KCNH3: variants seen among roughly 807,000 people sequenced by gnomAD.
The protein encoded by KCNH3 is potassium voltage-gated channel subfamily H member 3.
Under a neutral mutation model 95.6 loss-of-function variants are expected in KCNH3, and 36 were observed. That is an observed-to-expected ratio of 0.38 (90% CI 0.29 to 0.50). The LOEUF (loss-of-function observed/expected upper bound fraction) is 0.50, where lower values mean the gene tolerates loss of function less well. Ranked by LOEUF, KCNH3 falls within the 20% of genes least tolerant of loss-of-function variation. The probability of loss-of-function intolerance (pLI) is 0.95; values close to 1 mark genes in which losing one functional copy is unlikely to be tolerated. For missense variants in KCNH3, 1,030 were observed against 1,484.1 expected (o/e 0.69, Z 5.03); for synonymous variants, 620 against 646.3 (o/e 0.96, Z 0.62).
chr12:49,542,819 G>A lies in KCNH3; in HGVS notation c.559G>A (p.Gly187Ser), dbSNP rs1386917255. Residue 187 changes from glycine to serine, a missense_variant, in exon 4 of 15, where the codon GGC becomes AGC. Around this residue, in one of 9 missense-constraint regions of KCNH3, gnomAD observed 92 missense variants for 92.7 expected, o/e 0.99. Coordinates refer to ENST00000257981, the MANE Select transcript of KCNH3 (RefSeq NM_012284.3). ...LSGHLQKQPK[G>S]KHKLNKGVFG... is the part of the protein sequence containing the mutation. The stretch of plus-strand genomic sequence containing the variant: ...CGGGCACCTGCAGAAGCAGCCCAAG[G>A]GCAAGCACAAGCTCAATAAGGTGGG... 6.2e-7 allele frequency: 1 copy of A among 1,606,498 alleles called. No individual in the cohort carries two copies. Among genetic ancestry groups the A allele is most frequent in the Non-Finnish European group, 8.5e-7 (1 of 1,177,610 alleles).
intron 3 of KCNH3, 145 bp downstream of exon 3, chr12:49,541,909 C>T: frequency 1.3e-6 from 1 of 776,086 alleles, no homozygotes; most frequent in Non-Finnish European, 2.1e-6. Flanking sequence ...CTGTGCTGCT[C>T]TCATCTCCAC....
intron 10 of KCNH3, among the ~76,000 whole-genome samples, chr12:49,552,232 C>T (rs1342732872): frequency 6.6e-6 from 1 of 152,214 alleles, no homozygotes; most frequent in Non-Finnish European, 1.5e-5. Flanking sequence ...AGTTGTGTGG[C>T]TGGGAGCTGG....
chr12:49,554,205 C>T (rs1436007145), intron 10 of KCNH3, 132 bp from the exon 11 acceptor site: 1 of 729,794 alleles, frequency 1.4e-6, no homozygotes, highest in African/African-American at 1.7e-5. Flanking sequence ...GCTCCTCTCT[C>T]TGCTGGCTTC....
At chr12:49,555,548 C>T in intron 11 of KCNH3, 72 bp from the exon 12 acceptor site, 1 of 946,770 alleles carries the variant, frequency 1.1e-6, no homozygotes, top group Non-Finnish European at 1.6e-6. Context: ...GTAGATGAAG[C>T]CTTGGTAGGG....
In KCNH3 at chr12:49,556,420, C is replaced by T. The variant is rs1201079130; in HGVS notation, c.2519C>T (p.Ser840Phe). 6.2e-7 allele frequency: 1 copy of T among 1,613,960 alleles called. No individual in the cohort carries two copies. The highest frequency in any genetic ancestry group is 8.5e-7 in the Non-Finnish European group (1 of 1,179,988). The change falls in exon 13 of 15, where the codon TCT becomes TTT. Residue 840 changes from serine (S) to phenylalanine (F), a missense_variant. Ser to Phe is a radical substitution (Grantham distance 155, BLOSUM62 -2). Around this residue, in one of 9 missense-constraint regions of KCNH3, gnomAD observed 464 missense variants for 493.2 expected, o/e 0.94. Coordinates refer to ENST00000257981, the MANE Select transcript of KCNH3 (RefSeq NM_012284.3). Reference sequence around the variant, plus strand: ...TGTGGCTCGGACCAGCCCAAGTTCTCTTTCCGCGTGGGCCAGTCTGGCCCG... The same window carrying T: ...TGTGGCTCGGACCAGCCCAAGTTCTTTTTCCGCGTGGGCCAGTCTGGCCCG... ...DGCGSDQPKF[S>F]FRVGQSGPEC... is the part of the protein sequence containing the mutation.
rs1227266332 is a variant in KCNH3 at position 49,539,357 on chromosome 12, C to T, written c.-60C>T. ...GGGGGGCGGCCGAGCTGGGCGCCCTCCCCCGGCGCGGAGTCCCCGCACCCC... is the reference window on the plus strand; with the variant it reads ...GGGGGGCGGCCGAGCTGGGCGCCCTTCCCCGGCGCGGAGTCCCCGCACCCC... On this transcript the variant is annotated 5_prime_UTR_variant, in exon 1 of 15. Transcript: ENST00000257981. This position sits in a 1 kb window ranked among gnomAD's most constrained non-coding sequence, Gnocchi z 6.7. 4 of 1,169,872 alleles carry T rather than the reference C, an allele frequency of 3.4e-6. No individual in the cohort carries two copies. Among genetic ancestry groups the T allele is most frequent in the African/African-American group, 3.3e-5 (2 of 61,318 alleles). 72.5% of individuals were successfully genotyped at this position (1,169,872 alleles called of 1,614,324 possible).
Position 49,557,495 on chromosome 12 carries a change from T to C in KCNH3, c.2794T>C (p.Ser932Pro). 2 of 1,611,576 alleles carry C rather than the reference T, an allele frequency of 1.2e-6. No individual in the cohort carries two copies. ...AGAGGGGCCGTGCCCAGCCAGCACC[T>C]CCGGGCTTCTGCAGCCTCTGTGTGT... Reference protein sequence around the residue: ...SGEGPCPASTSGLLQPLCVDT... With the variant: ...SGEGPCPASTPGLLQPLCVDT... The change falls in exon 15 of 15, where the codon TCC becomes CCC. Residue 932 changes from serine to proline, a missense_variant. By Grantham distance (74) the Ser-to-Pro change is moderately conservative. This residue lies in a region of KCNH3 where 464 missense variants were observed against 493.2 expected (regional missense o/e 0.94). Transcript: ENST00000257981.
At chr12:49,545,651 A>AAAG (rs1213316566) in intron 7 of KCNH3, among the ~76,000 whole-genome samples, 1 of 151,972 alleles carries the variant, frequency 6.6e-6, no homozygotes, top group African/African-American at 2.4e-5. Context: ...TCGGCCTCCC[A>AAAG]AAGTGCTGGG....
At chr12:49,540,336 G>A (rs1447017564) in intron 1 of KCNH3, among the ~76,000 whole-genome samples, 1 of 152,172 alleles carries the variant, frequency 6.6e-6, no homozygotes, top group East Asian at 1.9e-4. Context: ...CTGGCTCCTG[G>A]CTCCCGTGCT....
At chr12:49,550,656 G>A (rs1164587926) in intron 10 of KCNH3, among the ~76,000 whole-genome samples, 1 of 152,186 alleles carries the variant, frequency 6.6e-6, no homozygotes, top group Non-Finnish European at 1.5e-5. Flanking sequence ...GGATGGAAGT[G>A]CTGGGGAGAG....
chr12:49,543,925 G>C lies in KCNH3; in HGVS notation c.834G>C (p.Leu278=). The part of the protein sequence containing the change: ...VEVLFILDIV[L]NFRTTFVSKS... ...CCGGATTCCCCACAGACATTGTGCT[G>C]AATTTCCGTACCACATTCGTGTCCA... The change falls in exon 6 of 15, where the codon CTG becomes CTC. Residue 278 remains leucine, a synonymous_variant. Coordinates refer to ENST00000257981, the MANE Select transcript of KCNH3 (RefSeq NM_012284.3). 6.2e-7 allele frequency: 1 copy of C among 1,608,942 alleles called. No individual in the cohort carries two copies. The highest frequency in any genetic ancestry group is 8.5e-7 in the Non-Finnish European group (1 of 1,175,672).
intron 10 of KCNH3, 35 bp downstream of exon 10, chr12:49,550,364 G>A (rs755216321): frequency 3.9e-5 from 61 of 1,572,118 alleles, no homozygotes; most frequent in South Asian, 1.7e-4. Context: ...GTGGGGGCAC[G>A]TGTGTGTGAG....
In KCNH3 at chr12:49,543,421, G is replaced by A. The variant is rs1013194118; in HGVS notation, c.726G>A (p.Val242=). The A allele has an allele frequency of 6.2e-7, 1 of 1,608,850 alleles. No homozygotes were observed. Among genetic ancestry groups the A allele is most frequent in the Non-Finnish European group, 8.5e-7 (1 of 1,179,994 alleles). ...LLATLYVAVT[V]PYSVCVSTAR... is the part of the protein sequence containing the mutation. The stretch of plus-strand genomic sequence containing the variant: ...CCACACTCTATGTGGCTGTCACTGT[G>A]CCCTACAGCGTGTGTGTGAGCACAG... The change falls in exon 5 of 15, where the codon GTG becomes GTA. Residue 242 remains valine, a synonymous_variant. Transcript: ENST00000257981.
rs748119881 is a variant in KCNH3 at position 49,555,759 on chromosome 12, C to A, written c.2276C>A (p.Thr759Asn). 7.4e-6 allele frequency: 12 copies of A among 1,613,624 alleles called. No homozygotes were observed. The highest frequency in any genetic ancestry group is 1.0e-5 in the Non-Finnish European group (12 of 1,179,880). ...AGCCCCCTGCTGTCCCCTGGCTGCACCTCCTCATCCTCAGCTGCCAAGCTG... is the reference window on the plus strand; with the variant it reads ...AGCCCCCTGCTGTCCCCTGGCTGCAACTCCTCATCCTCAGCTGCCAAGCTG... ...PSSPLLSPGCTSSSSAAKLLS... is the reference protein window; with the variant it reads ...PSSPLLSPGCNSSSSAAKLLS... The change falls in exon 12 of 15, where the codon ACC becomes AAC. Residue 759 changes from threonine (T) to asparagine (N), a missense_variant. By Grantham distance (65) the Thr-to-Asn change is moderately conservative. Around this residue, in one of 9 missense-constraint regions of KCNH3, gnomAD observed 464 missense variants for 493.2 expected, o/e 0.94. Transcript: ENST00000257981.
At chr12:49,556,130 A>G in intron 12 of KCNH3, 179 bp downstream of exon 12, 1 of 595,074 alleles carries the variant, frequency 1.7e-6, no homozygotes, top group Non-Finnish European at 3.0e-6. Context: ...GTCCCACTCC[A>G]CTGTGTGGTG....
chr12:49,555,168 C>T (rs962727376), intron 11 of KCNH3, among the ~76,000 whole-genome samples: 7 of 151,498 alleles, frequency 4.6e-5, no homozygotes, highest in South Asian at 2.1e-4. Flanking sequence ...TGGCCGGGCG[C>T]GGTGGCCCAC....
Position 49,554,237 on chromosome 12 carries a change from C to G in KCNH3, c.1919-100C>G, listed in dbSNP as rs879031214. ...CTTCAAGGCTTCAGCTACAGAGGCC[C>G]AGCCCAGCTCTGAAGGGAATCTCAG... On this transcript the variant is annotated intron_variant, in intron 10 of 14. Transcript: ENST00000257981. The G allele has an allele frequency of 1.2e-5, 11 of 934,226 alleles. No individual in the cohort carries two copies. The South Asian group carries it at 1.4e-4, about 12-fold the overall frequency. The allele number at this position is 934,226 out of a possible 1,614,324, so 57.9% of individuals were successfully genotyped here.
At chr12:49,544,127 C>G in intron 6 of KCNH3, 48 bp from the exon 7 acceptor site, 1 of 1,603,536 alleles carries the variant, frequency 6.2e-7, no homozygotes, top group East Asian at 2.2e-5. Context: ...ACAGGCAGGG[C>G]CGGCCCGCTG....
chr12:49,556,766 T>C (rs1209312082), intron 13 of KCNH3: 2 of 669,170 alleles, frequency 3.0e-6, no homozygotes, highest in Non-Finnish European at 5.5e-6. Flanking sequence ...AAAAAATGGG[T>C]TGATGTTTAC....
Sources: allele counts gnomAD v4.1 joint callset (sites outside exome capture counted in the v4.1 genomes callset), GRCh38; gene constraint gnomAD v4.1.1; regional missense constraint gnomAD v4.1.1; non-coding constraint Gnocchi (gnomAD v3.1); transcripts MANE v1.5; gene names NCBI Gene and HGNC (gene_info 2026-07-23, HGNC 2026-07-21).